The following FAM13A variants were observed in gnomAD, a reference collection of about 807,000 sequenced individuals.
FAM13A encodes protein FAM13A.
FAM13A carries 76 observed loss-of-function variants against 129.6 expected under a neutral mutation model. That is an observed-to-expected ratio of 0.59 (90% CI 0.49 to 0.71). The LOEUF (loss-of-function observed/expected upper bound fraction) is 0.71. Among genes scored for constraint, FAM13A ranks in the 30% least tolerant of loss-of-function variants. FAM13A has a pLI of 0.00. For missense variants in FAM13A, 1,108 were observed against 1,249.3 expected (o/e 0.89, Z 1.70); for synonymous variants, 443 against 449.9 (o/e 0.98, Z 0.20).
At chr4:88,900,417 A>C (rs1234748952) in intron 6 of FAM13A, among the ~76,000 whole-genome samples, 1 of 152,036 alleles carries the variant, frequency 6.6e-6, no homozygotes, top group Non-Finnish European at 1.5e-5. Context: ...GTCACCTACA[A>C]AGGGAAGCCT....
chr4:88,886,217 G>T (rs558776038), intron 6 of FAM13A, among the ~76,000 whole-genome samples: 1 of 152,174 alleles, frequency 6.6e-6, no homozygotes, highest in Non-Finnish European at 1.5e-5. Flanking sequence ...ACTTCCACAC[G>T]CATGTTTATA....
intron 5 of FAM13A, among the ~76,000 whole-genome samples, chr4:88,911,183 G>A (rs547183217): frequency 1.3e-5 from 2 of 152,066 alleles, no homozygotes; most frequent in African/African-American, 2.4e-5. Flanking sequence ...ATGATCCTTC[G>A]TTCTCTTGCT....
At position 89,056,970 on chromosome 4, in the gene FAM13A, C is replaced by A. The variant is rs759575353; in HGVS notation, c.-6G>T. The A allele has an allele frequency of 6.2e-7, 1 of 1,613,230 alleles. No homozygotes were observed. The highest frequency in any genetic ancestry group is 8.5e-7 in the Non-Finnish European group (1 of 1,179,500). ...GCTAGAGCTCCTGCCCCCATTCTCT[C>A]AGAAAGCGTCTGGAAGAACTGAGGA... On this transcript the variant is annotated 5_prime_UTR_variant, in exon 1 of 24. Coordinates refer to ENST00000264344, the MANE Select transcript of FAM13A (RefSeq NM_014883.4).
chr4:88,729,423 T>G (rs529588274), intron 23 of FAM13A: 1 of 152,332 alleles, frequency 6.6e-6, no homozygotes, highest in African/African-American at 2.4e-5. Flanking sequence ...TGGCAAACAT[T>G]CAACCATAGG....
chr4:88,781,300 A>G lies in FAM13A; in HGVS notation c.1323T>C (p.Asp441=). ...CGACTTCCTGAGTATTCAAAATACA[A>G]TCATCAAGGTGGTTGAACCCAGAAG... ...NTPSGFNHLD[D]CILNTQEVEK... The change falls in exon 11 of 24, where the codon GAT becomes GAC. Residue 441 remains aspartate (D), a synonymous_variant. Coordinates refer to ENST00000264344, the MANE Select transcript of FAM13A (RefSeq NM_014883.4). The G allele has an allele frequency of 6.2e-7, 1 of 1,612,846 alleles. No homozygotes were observed. Among genetic ancestry groups the G allele is most frequent in the Non-Finnish European group, 8.5e-7 (1 of 1,179,316 alleles).
intron 5 of FAM13A, among the ~76,000 whole-genome samples, chr4:88,932,294 G>A (rs762970644): frequency 5.9e-5 from 9 of 152,144 alleles, no homozygotes; most frequent in Non-Finnish European, 1.3e-4. Flanking sequence ...CTGTAAACCA[G>A]TATTAAGATC....
intron 1 of FAM13A, among the ~76,000 whole-genome samples, chr4:89,043,408 G>C (rs938401512): frequency 3.3e-5 from 5 of 152,130 alleles, no homozygotes; most frequent in African/African-American, 1.2e-4. Context: ...GCTGTATTAA[G>C]AAAACAGTCA....
intron 1 of FAM13A, among the ~76,000 whole-genome samples, chr4:89,032,653 G>A: frequency 6.6e-6 from 1 of 152,162 alleles, no homozygotes; most frequent in East Asian, 1.9e-4. Context: ...TGGAAAATAG[G>A]ATAGTTAACA....
chr4:88,971,086 T>C (rs902803827), intron 4 of FAM13A, among the ~76,000 whole-genome samples: 13 of 152,060 alleles, frequency 8.5e-5, no homozygotes, highest in African/African-American at 2.9e-4. Flanking sequence ...CGGGCGCCTG[T>C]AGGCAGGAGA....
chr4:89,025,874 G>A (rs1767903612), intron 2 of FAM13A, among the ~76,000 whole-genome samples: 2 of 152,092 alleles, frequency 1.3e-5, no homozygotes, highest in Non-Finnish European at 2.9e-5. Flanking sequence ...TTTAGAGAGA[G>A]AAAACAAAGG....
intron 5 of FAM13A, among the ~76,000 whole-genome samples, chr4:88,928,459 T>C (rs559971360): frequency 2.0e-5 from 3 of 152,304 alleles, no homozygotes; most frequent in Non-Finnish European, 4.4e-5. Context: ...TATTTCTTTA[T>C]GCCTAGAAAT....
In FAM13A at chr4:88,921,094, C is replaced by T. The variant is rs566659190; in HGVS notation, c.760-14632G>A. Reference sequence around the variant, plus strand: ...GTCTGATTGGTGTACCTGAAAGTGACGGGGAGAATGGAACCAAGTTGGAAA... The same window carrying T: ...GTCTGATTGGTGTACCTGAAAGTGATGGGGAGAATGGAACCAAGTTGGAAA... On this transcript the variant is annotated intron_variant, in intron 5 of 23. Transcript: ENST00000264344. Among the ~76,000 whole-genome samples, 24 of 152,162 alleles carry T rather than the reference C, an allele frequency of 1.6e-4. No individual in the cohort carries two copies. The South Asian group carries it at 2.7e-3, about 17-fold the overall frequency.
chr4:88,949,815 T>G lies in FAM13A; in HGVS notation c.606-11574A>C, dbSNP rs1289027855. On this transcript the variant is annotated intron_variant, in intron 4 of 23. Transcript: ENST00000264344. ...TATATTATGTATGTCAGCTTCCACT[T>G]TCCCCTCACATTACAGAGTTTATAA... is the stretch of plus-strand genomic sequence containing the variant. Among the ~76,000 whole-genome samples, 3 of 152,172 alleles carry G rather than the reference T, an allele frequency of 2.0e-5. No individual in the cohort carries two copies. The East Asian group carries it at 5.8e-4, about 29-fold the overall frequency.
At chr4:88,898,628 T>C (rs1447666052) in intron 6 of FAM13A, among the ~76,000 whole-genome samples, 1 of 152,066 alleles carries the variant, frequency 6.6e-6, no homozygotes, top group Non-Finnish European at 1.5e-5. Flanking sequence ...TTTAGTAACT[T>C]CCTATTAAAA....
At chr4:88,941,084 C>T (rs948606695) in intron 4 of FAM13A, among the ~76,000 whole-genome samples, 4 of 152,086 alleles carry the variant, frequency 2.6e-5, no homozygotes, top group African/African-American at 9.7e-5. Context: ...ATCTAGAGGG[C>T]TATTACATAA....
At position 89,006,357 on chromosome 4, in the gene FAM13A, C is replaced by T. The variant is rs556425530; in HGVS notation, c.427+14103G>A. Among the ~76,000 whole-genome samples the T allele has an allele frequency of 2.0e-5, 3 of 152,306 alleles. No individual in the cohort carries two copies. The South Asian group carries it at 6.2e-4, about 32-fold the overall frequency. The stretch of plus-strand genomic sequence containing the variant: ...TATTTAGTATGTGACTGGCATTATT[C>T]CAAGTTCTTTAGTATCTTTCAATAT... On this transcript the variant is annotated intron_variant, in intron 3 of 23. Coordinates refer to ENST00000264344, the MANE Select transcript of FAM13A (RefSeq NM_014883.4).
At chr4:88,911,724 C>T (rs1215544621) in intron 5 of FAM13A, among the ~76,000 whole-genome samples, 3 of 152,220 alleles carry the variant, frequency 2.0e-5, no homozygotes, top group Non-Finnish European at 4.4e-5. Flanking sequence ...CTGTCACTCC[C>T]TTCCCCACTG....
intron 10 of FAM13A, among the ~76,000 whole-genome samples, chr4:88,787,014 T>G (rs997178385): frequency 2.4e-4 from 36 of 152,074 alleles, no homozygotes; most frequent in African/African-American, 8.4e-4. Flanking sequence ...AAAATAACCT[T>G]GGAACTTTCA....
rs1758499221 is a variant in FAM13A, at chr4:88,960,797, C to T, written c.606-22556G>A. Among the ~76,000 whole-genome samples, 3 of 152,162 alleles carry T rather than the reference C, an allele frequency of 2.0e-5. No homozygotes were observed. In the South Asian group the frequency reaches 6.2e-4, roughly 32 times the overall value. The stretch of plus-strand genomic sequence containing the variant: ...AGGAAGCAGCTTTGTTTTACCATTG[C>T]TGAAAACATGTAACAATTTACATTT... On this transcript the variant is annotated intron_variant, in intron 4 of 23. Coordinates refer to ENST00000264344, the MANE Select transcript of FAM13A (RefSeq NM_014883.4).
Sources: allele counts gnomAD v4.1 joint callset (sites outside exome capture counted in the v4.1 genomes callset), GRCh38; gene constraint gnomAD v4.1.1; transcripts MANE v1.5; gene names NCBI Gene and HGNC (gene_info 2026-07-23, HGNC 2026-07-21).